PEX5: variants seen among roughly 807,000 people sequenced by gnomAD.
The protein encoded by PEX5 is peroxisomal biogenesis factor 5, also known as PTS1 receptor.
Under a neutral mutation model 82.9 loss-of-function variants are expected in PEX5, and 52 were observed. The ratio of observed to expected loss-of-function variants is 0.63; its 90% CI spans 0.50 to 0.79. PEX5 has a LOEUF of 0.79. Ranked by LOEUF, PEX5 falls within the 30% of genes least tolerant of loss-of-function variation. The pLI is 0.00. For missense variants in PEX5, 719 were observed against 815.2 expected (o/e 0.88, Z 1.44); for synonymous variants, 300 against 318.8 (o/e 0.94, Z 0.63).
At chr12:7,197,262 T>TTATATGTCATATGTAA (rs1942757130) in intron 5 of PEX5, among the ~76,000 whole-genome samples, 1 of 74,330 alleles carries the variant, frequency 1.3e-5, no homozygotes, top group African/African-American at 7.4e-5. Flanking sequence ...TATGTAATAA[T>TTATATGTCATATGTAA]TATATATGTC....
chr12:7,195,549 C>T (rs1157654690), intron 5 of PEX5, among the ~76,000 whole-genome samples: 1 of 151,300 alleles, frequency 6.6e-6, no homozygotes, highest in African/African-American at 2.4e-5. Context: ...CTTAAACTGC[C>T]TCATATCTAT....
At position 7,190,868 on chromosome 12, in the gene PEX5, T is replaced by A; in HGVS notation, c.148-20T>A. ...TTTAGAGGAACTGCGTCATTGTACA[T>A]CTCTGTCTTTCTCTCTTAGGCCTCC... On this transcript the variant is annotated intron_variant, in intron 2 of 15. Transcript: ENST00000675855. 1 of 1,611,174 alleles carries A rather than the reference T, an allele frequency of 6.2e-7. No homozygotes were observed. Among genetic ancestry groups the A allele is most frequent in the African/African-American group, 1.3e-5 (1 of 74,948 alleles).
chr12:7,217,255 T>C (rs1402756875), intron 17 of PEX5, among the ~76,000 whole-genome samples: 1 of 152,266 alleles, frequency 6.6e-6, no homozygotes, highest in Admixed American at 6.5e-5. Flanking sequence ...GGATTTACCT[T>C]TTCTTGGGAA....
intron 9 of PEX5, 50 bp downstream of exon 9, chr12:7,202,754 G>A: frequency 8.4e-7 from 1 of 1,191,910 alleles, no homozygotes; most frequent in African/African-American, 1.5e-5. Flanking sequence ...AACACTCCTT[G>A]GAGTGAGTGG....
At position 7,208,452 on chromosome 12, in the gene PEX5, A is replaced by C; in HGVS notation, c.1182-5A>C. On this transcript the variant is annotated splice_region_variant and splice_polypyrimidine_tract_variant and intron_variant, in intron 12 of 15. Transcript: ENST00000675855. The stretch of plus-strand genomic sequence containing the variant: ...TATCAAGTCTGCCCATCCCTGATCA[A>C]ACAGGTGTCTGGAGCTAAAGCCAGA... The C allele has an allele frequency of 6.2e-7, 1 of 1,611,640 alleles. No homozygotes were observed. Among genetic ancestry groups the C allele is most frequent in the Non-Finnish European group, 8.5e-7 (1 of 1,177,820 alleles).
intron 3 of PEX5, 127 bp downstream of exon 3, chr12:7,191,050 T>G: frequency 1.7e-6 from 2 of 1,180,694 alleles, no homozygotes; most frequent in Admixed American, 3.4e-5. Context: ...TGCTTGTTTT[T>G]AAATGTATTT....
At chr12:7,214,954 A>G (rs777126967), downstream of PEX5, among the ~76,000 whole-genome samples, 81 of 152,268 alleles carry the variant, frequency 5.3e-4, no homozygotes, top group African/African-American at 1.9e-3. Context: ...TGAGCAATAC[A>G]ATTATTGTTG....
chr12:7,190,373 T>C lies in PEX5; in HGVS notation c.-5T>C, dbSNP rs371185376. Reference sequence around the variant, plus strand: ...CCTGTGTCCATCAGAGAGCTGGCGGTCACCATGGCAATGCGGGAGCTGGTG... The same window carrying C: ...CCTGTGTCCATCAGAGAGCTGGCGGCCACCATGGCAATGCGGGAGCTGGTG... On this transcript the variant is annotated 5_prime_UTR_variant, in exon 2 of 16. Coordinates refer to ENST00000675855, the MANE Select transcript of PEX5 (RefSeq NM_001351132.2). 80 of 1,614,148 alleles carry C rather than the reference T, an allele frequency of 5.0e-5. No homozygotes were observed. The African/African-American group carries it at 8.9e-4, about 18-fold the overall frequency.
At chr12:7,190,272 C>G (rs923260889) in intron 1 of PEX5, 90 bp from the exon 2 acceptor site, 6 of 1,590,016 alleles carry the variant, frequency 3.8e-6, no homozygotes, top group Non-Finnish European at 5.1e-6. Context: ...GGGCAGACGC[C>G]TGTGTGCCTT....
At chr12:7,190,768 C>T (rs1940930007) in intron 2 of PEX5, 120 bp from the exon 3 acceptor site, 1 of 1,319,800 alleles carries the variant, frequency 7.6e-7, no homozygotes, top group Non-Finnish European at 1.1e-6. Context: ...CCCTGTGCAC[C>T]TTTAAATAAA....
At chr12:7,214,753 A>G (rs1259819427), downstream of PEX5, among the ~76,000 whole-genome samples, 1 of 152,106 alleles carries the variant, frequency 6.6e-6, no homozygotes, top group Non-Finnish European at 1.5e-5. Context: ...CTCTTAAAAA[A>G]TTGTGAATGT....
chr12:7,191,830 T>C, intron 5 of PEX5, 130 bp downstream of exon 5: 1 of 839,250 alleles, frequency 1.2e-6, no homozygotes, highest in Non-Finnish European at 2.0e-6. Flanking sequence ...GGTAGGGTAC[T>C]GAACTCAATT....
At position 7,209,744 on chromosome 12, in the gene PEX5, C is replaced by T. The variant is rs1273640335; in HGVS notation, c.1622C>T (p.Ala541Val). 1 of 1,614,110 alleles carries T rather than the reference C, an allele frequency of 6.2e-7. No individual in the cohort carries two copies. The highest frequency in any genetic ancestry group is 8.5e-7 in the Non-Finnish European group (1 of 1,180,040). The part of the protein sequence containing the change: ...TLANGNQSEE[A>V]VAAYRRALEL... ...GCCAATGGAAACCAGAGTGAAGAAG[C>T]AGTAGCTGCGTACCGCCGGGCCCTC... Residue 541 changes from alanine to valine, a missense_variant, in exon 15 of 16, where the codon GCA becomes GTA. Coordinates refer to ENST00000675855, the MANE Select transcript of PEX5 (RefSeq NM_001351132.2).
At chr12:7,204,951 A>T (rs1308095564) in intron 10 of PEX5, among the ~76,000 whole-genome samples, 1 of 152,166 alleles carries the variant, frequency 6.6e-6, no homozygotes, top group East Asian at 1.9e-4. Flanking sequence ...GATAAATGGT[A>T]TTGGAGAAAC....
chr12:7,209,666 C>T lies in PEX5; in HGVS notation c.1561-17C>T, dbSNP rs1713253137. 3.5e-6 allele frequency: 4 copies of T among 1,132,654 alleles called. No homozygotes were observed. The highest frequency in any genetic ancestry group is 1.7e-5 in the South Asian group (1 of 59,324). 70.2% of individuals were successfully genotyped at this position (1,132,654 alleles called of 1,614,324 possible). On this transcript the variant is annotated splice_polypyrimidine_tract_variant and intron_variant, in intron 14 of 15. Coordinates refer to ENST00000675855, the MANE Select transcript of PEX5 (RefSeq NM_001351132.2). ...CTGAGTCAAGCTGTTCCCATCCGTT[C>T]TGCATCCCTATCCCAGGACTATTTG...
At chr12:7,201,188 C>T (rs1173505301) in intron 6 of PEX5, among the ~76,000 whole-genome samples, 1 of 144,940 alleles carries the variant, frequency 6.9e-6, no homozygotes, top group Non-Finnish European at 1.5e-5. Flanking sequence ...TGTACACACG[C>T]ATACATACAC....
chr12:7,214,143 A>G (rs946948913), downstream of PEX5, among the ~76,000 whole-genome samples: 74 of 152,316 alleles, frequency 4.9e-4, 1 homozygote, highest in Non-Finnish European at 8.8e-4. Flanking sequence ...AACTAGTTCA[A>G]CCATTGTGGA....
At chr12:7,190,765 C>A in intron 2 of PEX5, 123 bp from the exon 3 acceptor site, 1 of 1,302,556 alleles carries the variant, frequency 7.7e-7, no homozygotes, top group Non-Finnish European at 1.1e-6. Flanking sequence ...AAACCCTGTG[C>A]ACCTTTAAAT....
At chr12:7,189,947 G>A in intron 1 of PEX5, 197 bp downstream of exon 1, 1 of 1,489,416 alleles carries the variant, frequency 6.7e-7, no homozygotes, top group Non-Finnish European at 8.8e-7. Flanking sequence ...CTCCTCTGCC[G>A]TGCTCACCGC....
Sources: gnomAD v4.1 joint callset for allele counts (sites outside exome capture counted in the v4.1 genomes callset) on GRCh38, gnomAD v4.1.1 for gene constraint, MANE v1.5 for transcripts, NCBI Gene and HGNC (gene_info 2026-07-23, HGNC 2026-07-21) for gene names.